Variants in KLHL4 observed in about 807,000 individuals in gnomAD.
The protein encoded by KLHL4 is kelch like family member 4.
A neutral mutation model predicts 45.8 loss-of-function variants in KLHL4; 17 were observed. The observed-to-expected ratio is 0.37, with a 90% CI of 0.25 to 0.56. The LOEUF is 0.56. Among genes scored for constraint, KLHL4 ranks in the 20% least tolerant of loss-of-function variants. KLHL4 has a pLI of 0.79. For synonymous variants in KLHL4, 224 were observed against 189.9 expected (o/e 1.18, Z -1.47); for missense variants, 544 against 544.9 (o/e 1.00, Z 0.02).
chrX:87,628,924 G>A (rs1923018671), intron 6 of KLHL4, among the ~76,000 whole-genome samples: 1 of 111,875 alleles, frequency 8.9e-6, no homozygotes, highest in Non-Finnish European at 1.9e-5. Context: ...AGTCAAAATT[G>A]TTAACTTGCC....
chrX:87,614,904 T>G (rs190594576), intron 3 of KLHL4, among the ~76,000 whole-genome samples: 1 of 111,389 alleles, frequency 9.0e-6, no homozygotes, highest in Admixed American at 9.6e-5. Context: ...CATTCTTGTT[T>G]GTAAAAAGTA....
intron 1 of KLHL4, among the ~76,000 whole-genome samples, chrX:87,610,500 G>A (rs1050538347): frequency 1.8e-5 from 2 of 111,594 alleles, no homozygotes; most frequent in African/African-American, 6.5e-5. Context: ...ACTCCAAATT[G>A]TATGTATAGT....
intron 1 of KLHL4, among the ~76,000 whole-genome samples, chrX:87,547,048 G>A (rs1931698442): frequency 8.9e-6 from 1 of 111,829 alleles, no homozygotes; most frequent in Non-Finnish European, 1.9e-5. Flanking sequence ...AGACTTTTCT[G>A]TTAACGCTGG....
intron 1 of KLHL4, among the ~76,000 whole-genome samples, chrX:87,587,929 A>G (rs1329336103): frequency 8.9e-6 from 1 of 111,826 alleles, no homozygotes; most frequent in Admixed American, 9.5e-5. Context: ...GAAATCTACT[A>G]GAACTGATCA....
chrX:87,553,939 C>A (rs1931896073), intron 1 of KLHL4, among the ~76,000 whole-genome samples: 1 of 109,118 alleles, frequency 9.2e-6, no homozygotes, highest in Admixed American at 1.0e-4. Context: ...CTACATATGG[C>A]TAGCCAGTTT....
intron 1 of KLHL4, among the ~76,000 whole-genome samples, chrX:87,527,573 G>A (rs1931137831): frequency 1.8e-5 from 2 of 111,029 alleles, no homozygotes; most frequent in Non-Finnish European, 3.8e-5. Flanking sequence ...ACATATATGT[G>A]TGTGCCCATG....
intron 9 of KLHL4, among the ~76,000 whole-genome samples, chrX:87,648,396 T>A (rs906441203): frequency 2.7e-5 from 3 of 111,478 alleles, no homozygotes; most frequent in Admixed American, 9.6e-5. Context: ...GACAGCTTTT[T>A]CAGTTAGAAC....
In KLHL4 at chrX:87,632,533, T is replaced by G. The variant is rs931568797; in HGVS notation, c.1549+99T>G. On this transcript the variant is annotated intron_variant, in intron 7 of 10. Coordinates refer to ENST00000373119, the MANE Select transcript of KLHL4 (RefSeq NM_019117.5). ...CATTATTGGGATTTAGCCAAATCCT[T>G]AGTGAAAATGTCTCCAAAATGATGA... 6 of 502,706 alleles carry G rather than the reference T, an allele frequency of 1.2e-5. No individual in the cohort carries two copies. In the African/African-American group the frequency reaches 1.4e-4, roughly 12 times the overall value. 41.4% of individuals were successfully genotyped at this position (502,706 alleles called of 1,213,427 possible).
chrX:87,537,580 A>C (rs1391470667), intron 1 of KLHL4, among the ~76,000 whole-genome samples: 2 of 111,025 alleles, frequency 1.8e-5, no homozygotes, highest in Non-Finnish European at 3.8e-5. Flanking sequence ...TACACTTTCA[A>C]AAACCATGCC....
intron 1 of KLHL4, among the ~76,000 whole-genome samples, chrX:87,552,918 ATAACT>A (rs1394840552): frequency 2.7e-5 from 3 of 110,354 alleles, no homozygotes; most frequent in Non-Finnish European, 3.8e-5. Flanking sequence ...ATAGCTAATA[ATAACT>A]TAATTGTATA....
At chrX:87,659,117 T>TC in intron 9 of KLHL4, among the ~76,000 whole-genome samples, 2 of 75,411 alleles carry the variant, frequency 2.7e-5, no homozygotes, top group African/African-American at 1.1e-4. Context: ...TTCTTTCTTT[T>TC]TTTTTTTTTT....
At chrX:87,548,229 A>C (rs72634503) in intron 1 of KLHL4, among the ~76,000 whole-genome samples, 24,939 of 110,997 alleles carry the variant, frequency 0.22, 2,081 homozygotes, top group Non-Finnish European at 0.26. Context: ...TGACTGAAAA[A>C]ACTTTTACCC....
At chrX:87,622,577 A>G (rs1305510894) in intron 5 of KLHL4, among the ~76,000 whole-genome samples, 154 bp downstream of exon 5, 1 of 111,943 alleles carries the variant, frequency 8.9e-6, no homozygotes, top group Non-Finnish European at 1.9e-5. Flanking sequence ...TCAGCCATCA[A>G]TTAGAGGCAT....
chrX:87,614,713 G>A, intron 3 of KLHL4, 143 bp downstream of exon 3: 4 of 469,956 alleles, frequency 8.5e-6, no homozygotes, highest in South Asian at 6.6e-5. Context: ...ACAAAGGTGA[G>A]GAAACTAAAG....
At chrX:87,656,956 CTG>C (rs1213913778) in intron 9 of KLHL4, among the ~76,000 whole-genome samples, 8 of 111,664 alleles carry the variant, frequency 7.2e-5, no homozygotes, top group South Asian at 3.7e-4. Context: ...GGCAAAGACT[CTG>C]TATGAATTTT....
intron 1 of KLHL4, among the ~76,000 whole-genome samples, chrX:87,548,401 T>C (rs1279567098): frequency 1.8e-5 from 2 of 110,932 alleles, no homozygotes; most frequent in Non-Finnish European, 3.8e-5. Flanking sequence ...AAAAGCGAGA[T>C]TAATGAGCAA....
At chrX:87,572,329 C>A (rs186012734) in intron 1 of KLHL4, among the ~76,000 whole-genome samples, 2 of 110,698 alleles carry the variant, frequency 1.8e-5, no homozygotes, top group Admixed American at 9.6e-5. Flanking sequence ...GTATAAATTG[C>A]AGTTTGATCA....
chrX:87,547,241 T>C (rs1931703676), intron 1 of KLHL4, among the ~76,000 whole-genome samples: 1 of 110,445 alleles, frequency 9.1e-6, no homozygotes, highest in African/African-American at 3.3e-5. Flanking sequence ...ATGGGGTGGT[T>C]TTTTCCATGC....
In KLHL4 at chrX:87,521,475, A is replaced by G. The variant is rs112152440; in HGVS notation, c.422+3160A>G. 7.9e-3 allele frequency among the ~76,000 whole-genome samples: 884 copies of G among 111,806 alleles called. 11 individuals carry two copies. The highest frequency in any genetic ancestry group is 0.027 in the African/African-American group (826 of 30,793). On this transcript the variant is annotated intron_variant, in intron 1 of 10. Transcript: ENST00000373119. ...CATTGAATCATTGAATATACATTCTAATGGGAAGAGAGAGGCAATAAAAAC... is the reference window on the plus strand; with the variant it reads ...CATTGAATCATTGAATATACATTCTGATGGGAAGAGAGAGGCAATAAAAAC...
Sources: allele counts gnomAD v4.1 joint callset (sites outside exome capture counted in the v4.1 genomes callset), GRCh38; gene constraint gnomAD v4.1.1; transcripts MANE v1.5; gene names NCBI Gene and HGNC (gene_info 2026-07-23, HGNC 2026-07-21).